The following KSR2 variants were observed in gnomAD, a reference collection of about 807,000 sequenced individuals.
The protein encoded by KSR2 is kinase suppressor of ras 2.
In KSR2, 25 loss-of-function variants were observed where a neutral mutation model predicts 107.8. That is an observed-to-expected ratio of 0.23 (90% CI 0.17 to 0.32). The LOEUF is 0.32. KSR2 is among the 10% of genes least tolerant of loss of function. The probability of loss-of-function intolerance (pLI) is 1.00; values close to 1 mark genes in which losing one functional copy is unlikely to be tolerated. For missense variants in KSR2, 887 were observed against 1,268.9 expected, an observed-to-expected ratio of 0.70 and a Z score of 4.57; for synonymous variants, 480 against 507.0, an observed-to-expected ratio of 0.95 and a Z score of 0.71.
chr12:117,510,281 C>T (rs79905578), intron 14 of KSR2, among the ~76,000 whole-genome samples: 8 of 152,198 alleles, frequency 5.3e-5, no homozygotes, highest in African/African-American at 9.7e-5. Context: ...ATTATTACTA[C>T]GTGATTTAAA....
intron 4 of KSR2, among the ~76,000 whole-genome samples, chr12:117,673,039 T>G (rs1341096804): frequency 6.6e-6 from 1 of 152,202 alleles, no homozygotes; most frequent in East Asian, 1.9e-4. Context: ...ACAGGAGCCT[T>G]GAGGCACTGA....
At chr12:117,967,836 T>TACC (rs1397178922) in intron 1 of KSR2, among the ~76,000 whole-genome samples, 1 of 151,950 alleles carries the variant, frequency 6.6e-6, no homozygotes, top group African/African-American at 2.4e-5. Flanking sequence ...CTACTACTAC[T>TACC]ACCACCACCC....
intron 9 of KSR2, among the ~76,000 whole-genome samples, chr12:117,544,029 C>A (rs1876680764): frequency 6.6e-6 from 1 of 152,104 alleles, no homozygotes; most frequent in Non-Finnish European, 1.5e-5. Flanking sequence ...TCCAGTATAC[C>A]CTCATCTAAA....
chr12:117,551,092 C>G (rs941893635), intron 9 of KSR2, among the ~76,000 whole-genome samples: 17 of 152,200 alleles, frequency 1.1e-4, no homozygotes, highest in African/African-American at 4.1e-4. Context: ...GCCTCTGCCA[C>G]TACTGCAGAT....
chr12:117,945,018 A>G (rs1376761364), intron 1 of KSR2, among the ~76,000 whole-genome samples: 2 of 152,236 alleles, frequency 1.3e-5, no homozygotes, highest in African/African-American at 4.8e-5. Flanking sequence ...CCAAGAAGAC[A>G]TAACCATCCT....
intron 5 of KSR2, among the ~76,000 whole-genome samples, chr12:117,640,858 G>A (rs981071382): frequency 2.0e-5 from 3 of 152,158 alleles, no homozygotes; most frequent in African/African-American, 7.2e-5. Context: ...CAATTTCACA[G>A]CTGAGAAGAG....
At chr12:117,613,910 T>A (rs182461258) in intron 5 of KSR2, among the ~76,000 whole-genome samples, 1 of 152,298 alleles carries the variant, frequency 6.6e-6, no homozygotes, top group Non-Finnish European at 1.5e-5. Context: ...AAGTAATGTA[T>A]TAGCTCTTCA....
chr12:117,715,431 G>A (rs951512428), intron 4 of KSR2, among the ~76,000 whole-genome samples: 1 of 152,222 alleles, frequency 6.6e-6, no homozygotes, highest in Non-Finnish European at 1.5e-5. Flanking sequence ...CCAAGCACTG[G>A]AGCTGGAGCC....
rs546484047 is a variant in KSR2, at chr12:117,791,017, T to C, written c.473-29493A>G. On this transcript the variant is annotated intron_variant, in intron 3 of 19. Coordinates refer to ENST00000339824, the MANE Select transcript of KSR2 (RefSeq NM_173598.6). The stretch of plus-strand genomic sequence containing the variant: ...GACCTTCACTCCCCTCCTATCAACC[T>C]TAATGGCTCCCTATTCCCTTAGAAT... Among the ~76,000 whole-genome samples, 4 of 152,306 alleles carry C rather than the reference T, an allele frequency of 2.6e-5. No homozygotes were observed. In the East Asian group the frequency reaches 7.7e-4, roughly 29 times the overall value.
At chr12:117,624,388 A>G (rs1031863372) in intron 5 of KSR2, among the ~76,000 whole-genome samples, 2 of 152,090 alleles carry the variant, frequency 1.3e-5, no homozygotes, top group Non-Finnish European at 2.9e-5. Flanking sequence ...ATCCATCTTG[A>G]ATTAATTTTT....
intron 4 of KSR2, among the ~76,000 whole-genome samples, chr12:117,745,178 G>A (rs980625807): frequency 2.0e-5 from 3 of 151,618 alleles, no homozygotes; most frequent in Non-Finnish European, 4.4e-5. Context: ...ACAGACTTTG[G>A]GTAAAATGGA....
At chr12:117,631,799 T>G (rs1025203291) in intron 5 of KSR2, among the ~76,000 whole-genome samples, 2 of 152,184 alleles carry the variant, frequency 1.3e-5, no homozygotes, top group Non-Finnish European at 2.9e-5. Context: ...AAAAGTACTT[T>G]TAAACCAAAA....
At chr12:117,778,106 G>A (rs1889758072) in intron 3 of KSR2, among the ~76,000 whole-genome samples, 1 of 152,108 alleles carries the variant, frequency 6.6e-6, no homozygotes, top group Admixed American at 6.6e-5. Flanking sequence ...AATATTTGTG[G>A]AATGAAACAA....
chr12:117,896,696 G>A (rs1894522462), intron 1 of KSR2, among the ~76,000 whole-genome samples: 2 of 152,142 alleles, frequency 1.3e-5, no homozygotes, highest in African/African-American at 4.8e-5. Flanking sequence ...CTGACCTCAG[G>A]TGATCCCTCT....
intron 5 of KSR2, among the ~76,000 whole-genome samples, chr12:117,661,838 G>A (rs936938765): frequency 5.3e-5 from 8 of 152,212 alleles, no homozygotes; most frequent in Non-Finnish European, 8.8e-5. Context: ...AAATAACTAG[G>A]CAGAAGGAGT....
chr12:117,774,883 A>G (rs929309950), intron 3 of KSR2, among the ~76,000 whole-genome samples: 3 of 152,152 alleles, frequency 2.0e-5, no homozygotes, highest in Admixed American at 2.0e-4. Flanking sequence ...GGATTTGCCT[A>G]TTCCAGCTAT....
intron 4 of KSR2, among the ~76,000 whole-genome samples, chr12:117,715,492 G>A (rs565625391): frequency 1.3e-5 from 2 of 152,310 alleles, no homozygotes; most frequent in South Asian, 2.1e-4. Flanking sequence ...CCTTTGTTGC[G>A]TGTTGTACCA....
intron 14 of KSR2, among the ~76,000 whole-genome samples, chr12:117,524,512 A>T (rs1874975967): frequency 1.3e-5 from 2 of 152,086 alleles, no homozygotes; most frequent in South Asian, 4.2e-4. Context: ...CCAAAAAATT[A>T]AAAAATTAGC....
At chr12:117,720,993 T>C (rs1424458301) in intron 4 of KSR2, among the ~76,000 whole-genome samples, 1 of 152,168 alleles carries the variant, frequency 6.6e-6, no homozygotes, top group Non-Finnish European at 1.5e-5. Context: ...TCCTCTTAGG[T>C]CCCATTCGGC....
Sources: allele counts gnomAD v4.1 joint callset (sites outside exome capture counted in the v4.1 genomes callset), GRCh38; gene constraint gnomAD v4.1.1; transcripts MANE v1.5; gene names NCBI Gene and HGNC (gene_info 2026-07-23, HGNC 2026-07-21).